Variants in PHLPP1 observed in about 807,000 individuals in gnomAD.
PHLPP1 encodes PH domain leucine-rich repeat-containing protein phosphatase 1.
A neutral mutation model predicts 117.2 loss-of-function variants in PHLPP1; 42 were observed. That is an observed-to-expected ratio of 0.36 (90% CI 0.28 to 0.46). The LOEUF (loss-of-function observed/expected upper bound fraction) is 0.46, where lower values mean the gene tolerates loss of function less well. Among genes scored for constraint, PHLPP1 ranks in the 20% least tolerant of loss-of-function variants. The probability of loss-of-function intolerance (pLI) is 1.00; values close to 1 mark genes in which losing one functional copy is unlikely to be tolerated. For missense variants in PHLPP1, 2,084 were observed against 2,241.9 expected, an observed-to-expected ratio of 0.93 and a Z score of 1.42; for synonymous variants, 1,042 against 970.7, an observed-to-expected ratio of 1.07 and a Z score of -1.37.
At chr18:62,914,776 C>G in intron 8 of PHLPP1, 137 bp from the exon 9 acceptor site, 1 of 624,652 alleles carries the variant, frequency 1.6e-6, no homozygotes. Context: ...AAAAGCGAAT[C>G]CACACATTCT....
At chr18:62,879,647 A>G (rs1363530896) in intron 4 of PHLPP1, among the ~76,000 whole-genome samples, 2 of 152,128 alleles carry the variant, frequency 1.3e-5, no homozygotes, top group East Asian at 1.9e-4. Flanking sequence ...TGACCTCGTG[A>G]TCTGCCCACC....
At chr18:62,950,286 AC>A (rs1275719377) in intron 12 of PHLPP1, among the ~76,000 whole-genome samples, 3 of 152,186 alleles carry the variant, frequency 2.0e-5, no homozygotes, top group Admixed American at 1.3e-4. Context: ...AATCTGTGTT[AC>A]CTTAACTGGG....
chr18:62,794,718 A>G (rs1913573446), intron 1 of PHLPP1, among the ~76,000 whole-genome samples: 1 of 152,166 alleles, frequency 6.6e-6, no homozygotes, highest in African/African-American at 2.4e-5. Context: ...TTAAAGAACT[A>G]GCTTTTTTTT....
chr18:62,949,180 T>C (rs1003519149), intron 12 of PHLPP1, among the ~76,000 whole-genome samples: 6 of 152,318 alleles, frequency 3.9e-5, no homozygotes, highest in Admixed American at 3.3e-4. Flanking sequence ...ACTTAGCAGA[T>C]AACATTTCAG....
chr18:62,931,528 AAG>A (rs1474222218), intron 10 of PHLPP1, among the ~76,000 whole-genome samples: 57 of 152,122 alleles, frequency 3.7e-4, no homozygotes, highest in African/African-American at 1.3e-3. Flanking sequence ...AAAAAAAAAA[AAG>A]AGTCAGTGAA....
intron 1 of PHLPP1, among the ~76,000 whole-genome samples, chr18:62,800,776 T>C (rs1458113758): frequency 1.3e-5 from 2 of 152,168 alleles, no homozygotes. Flanking sequence ...AGCTATTCGA[T>C]GCTGAGCTGG....
chr18:62,866,960 T>G (rs1340366295), intron 4 of PHLPP1, among the ~76,000 whole-genome samples: 1 of 152,230 alleles, frequency 6.6e-6, no homozygotes, highest in African/African-American at 2.4e-5. Flanking sequence ...GCTGATTGTC[T>G]TGTTGTCATT....
At chr18:62,729,625 A>C (rs560317034) in intron 1 of PHLPP1, among the ~76,000 whole-genome samples, 1 of 152,236 alleles carries the variant, frequency 6.6e-6, no homozygotes, top group East Asian at 1.9e-4. Flanking sequence ...CCGTGAGCTG[A>C]GATCATGCCA....
At chr18:62,758,117 T>C (rs1317840165) in intron 1 of PHLPP1, among the ~76,000 whole-genome samples, 1 of 152,212 alleles carries the variant, frequency 6.6e-6, no homozygotes, top group East Asian at 1.9e-4. Flanking sequence ...AAAATATACA[T>C]TTAAAGTTTA....
At chr18:62,855,880 A>G (rs1370101756) in intron 3 of PHLPP1, among the ~76,000 whole-genome samples, 3 of 152,248 alleles carry the variant, frequency 2.0e-5, no homozygotes, top group Admixed American at 6.5e-5. Flanking sequence ...AGGAGGAGGT[A>G]TAAGGTCGTC....
chr18:62,901,629 T>TA (rs11427992), intron 6 of PHLPP1, among the ~76,000 whole-genome samples: 21 of 38,076 alleles, frequency 5.5e-4, no homozygotes, highest in Non-Finnish European at 1.2e-3. Flanking sequence ...TCCTTTTTTC[T>TA]TTTTTTTTTT....
chr18:62,951,633 A>G (rs1159907771), intron 12 of PHLPP1, among the ~76,000 whole-genome samples: 1 of 151,982 alleles, frequency 6.6e-6, no homozygotes, highest in East Asian at 1.9e-4. Context: ...TCTCTTTTTC[A>G]GTCTAAAAAT....
chr18:62,874,179 T>C (rs2144376386), intron 4 of PHLPP1, among the ~76,000 whole-genome samples: 1 of 135,062 alleles, frequency 7.4e-6, no homozygotes, highest in African/African-American at 2.8e-5. Flanking sequence ...AACGAAACTC[T>C]GTCTCAAAAA....
intron 3 of PHLPP1, among the ~76,000 whole-genome samples, chr18:62,849,955 A>G (rs1568137294): frequency 6.7e-6 from 1 of 149,844 alleles, no homozygotes; most frequent in East Asian, 1.9e-4. Context: ...TCTTCTACCC[A>G]CTGGTCTAAT....
At chr18:62,951,812 A>AT (rs34516044) in intron 12 of PHLPP1, among the ~76,000 whole-genome samples, 1,697 of 101,402 alleles carry the variant, frequency 0.017, 25 homozygotes, top group African/African-American at 0.028. Flanking sequence ...CACATAATTA[A>AT]TTTTTTTTTT....
Position 62,716,322 on chromosome 18 carries a change from G to A in PHLPP1, c.639G>A (p.Ser213=). 6.5e-7 allele frequency: 1 copy of A among 1,530,714 alleles called. No individual in the cohort carries two copies. The highest frequency in any genetic ancestry group is 1.2e-5 in the South Asian group (1 of 83,264). 94.8% of individuals were successfully genotyped at this position (1,530,714 alleles called of 1,614,324 possible). ...CVHVFDRHMA[S]TYLRPVLCTL... ...ACGTCTTCGACCGCCACATGGCCTC[G>A]ACCTACCTGCGCCCGGTGCTCTGCA... The change falls in exon 1 of 17, where the codon TCG becomes TCA. Residue 213 remains serine (S), a synonymous_variant. Transcript: ENST00000262719. The surrounding 1 kb of genome is among the most constrained non-coding windows in gnomAD (Gnocchi z 5.7).
rs533677793 is a variant in PHLPP1, at chr18:62,851,697, G to T, written c.1900-8738G>T. On this transcript the variant is annotated intron_variant, in intron 3 of 16. Transcript: ENST00000262719. ...ACTGGTCTCAAACTCCTGACCTCAT[G>T]ATCTGCCTGCCTCGGCCTCCCAAAG... Among the ~76,000 whole-genome samples the T allele has an allele frequency of 2.0e-4, 30 of 152,226 alleles. No homozygotes were observed. The Middle Eastern group carries it at 0.034, about 173-fold the overall frequency.
At position 62,903,152 on chromosome 18, in the gene PHLPP1, A is replaced by G. The variant is rs746289433; in HGVS notation, c.2633A>G (p.Tyr878Cys). The change falls in exon 7 of 17, where the codon TAT becomes TGT. Residue 878 changes from tyrosine to cysteine, a missense_variant. This residue lies in a region of PHLPP1 where 1,365 missense variants were observed against 1,605.9 expected (regional missense o/e 0.85). Transcript: ENST00000262719. Reference sequence around the variant, plus strand: ...TGTGGCTATTTCCTAAAAGCGCTCTATGCCTCTTCTAATGGTATGTATCAT... The same window carrying G: ...TGTGGCTATTTCCTAAAAGCGCTCTGTGCCTCTTCTAATGGTATGTATCAT... ...DICGYFLKAL[Y>C]ASSNELVQLD... 5.0e-6 allele frequency: 8 copies of G among 1,610,408 alleles called. No homozygotes were observed. The Admixed American group carries it at 1.2e-4, about 23-fold the overall frequency.
chr18:62,801,594 A>G (rs1468424186), intron 1 of PHLPP1, among the ~76,000 whole-genome samples: 1 of 151,822 alleles, frequency 6.6e-6, no homozygotes, highest in Non-Finnish European at 1.5e-5. Flanking sequence ...CTGAGACTAC[A>G]GGCATGCACC....
Sources: gnomAD v4.1 joint callset for allele counts (sites outside exome capture counted in the v4.1 genomes callset) on GRCh38, gnomAD v4.1.1 for gene constraint, gnomAD v4.1.1 regional missense constraint, Gnocchi (gnomAD v3.1) non-coding constraint, MANE v1.5 for transcripts, NCBI Gene and HGNC (gene_info 2026-07-23, HGNC 2026-07-21) for gene names.